The following DNAH11 variants were observed in gnomAD, a reference collection of about 807,000 sequenced individuals.
The protein encoded by DNAH11 is axonemal beta dynein heavy chain 11.
A neutral mutation model predicts 526.0 loss-of-function variants in DNAH11; 442 were observed. The observed-to-expected ratio is 0.84, with a 90% CI of 0.78 to 0.91. DNAH11 has a LOEUF of 0.91. DNAH11 is among the 40% of genes least tolerant of loss of function. The pLI, the probability that DNAH11 is intolerant of heterozygous loss-of-function variation, is 0.00. For synonymous variants in DNAH11, 2,461 were observed against 1,935.9 expected (o/e 1.27, Z -7.12); for missense variants, 6,989 against 5,448.7 (o/e 1.28, Z -8.90).
chr7:21,617,577 T>G, intron 22 of DNAH11, 42 bp from the exon 23 acceptor site: 1 of 1,605,908 alleles, frequency 6.2e-7, no homozygotes, highest in Non-Finnish European at 8.5e-7. Flanking sequence ...ATATACTGTG[T>G]TATATCTTGG....
chr7:21,662,026 C>T (rs1025836255), intron 30 of DNAH11, among the ~76,000 whole-genome samples: 2 of 152,028 alleles, frequency 1.3e-5, no homozygotes, highest in African/African-American at 4.8e-5. Flanking sequence ...ACCATGTTGG[C>T]CAGGCTGGTC....
chr7:21,868,107 T>TC (rs1360897522), intron 72 of DNAH11, 100 bp downstream of exon 72: 4 of 1,064,774 alleles, frequency 3.8e-6, no homozygotes, highest in Admixed American at 7.6e-5. Flanking sequence ...TTAGTTTCTT[T>TC]TTTTTTTTTT....
intron 65 of DNAH11, among the ~76,000 whole-genome samples, chr7:21,840,003 C>G (rs1288416017): frequency 2.0e-5 from 3 of 152,182 alleles, no homozygotes; most frequent in African/African-American, 7.2e-5. Context: ...AACCAGTTGT[C>G]TCATTAAAAA....
At chr7:21,665,708 A>T (rs1189654021) in intron 30 of DNAH11, among the ~76,000 whole-genome samples, 3 of 152,080 alleles carry the variant, frequency 2.0e-5, no homozygotes, top group African/African-American at 7.2e-5. Flanking sequence ...AGAAATAGAG[A>T]AAAGGGATGA....
intron 6 of DNAH11, 65 bp from the exon 7 acceptor site, chr7:21,570,004 A>G: frequency 7.9e-7 from 1 of 1,270,496 alleles, no homozygotes; most frequent in African/African-American, 1.5e-5. Flanking sequence ...TTTGAAACAG[A>G]GACGGTTACA....
intron 63 of DNAH11, among the ~76,000 whole-genome samples, chr7:21,814,575 C>G (rs1338815300): frequency 7.1e-6 from 1 of 140,302 alleles, no homozygotes; most frequent in Non-Finnish European, 1.5e-5. Context: ...TCCATGTGAT[C>G]TCCTTGTTCA....
intron 28 of DNAH11, among the ~76,000 whole-genome samples, chr7:21,649,847 G>A (rs1305830496): frequency 6.6e-6 from 1 of 152,020 alleles, no homozygotes; most frequent in South Asian, 2.1e-4. Context: ...TGTATTTTTA[G>A]TAGAGATGGG....
chr7:21,826,082 G>C (rs1264544192), intron 65 of DNAH11, among the ~76,000 whole-genome samples: 1 of 152,158 alleles, frequency 6.6e-6, no homozygotes, highest in Non-Finnish European at 1.5e-5. Context: ...TTTTTTGGGT[G>C]ATGGTTACAT....
At position 21,561,149 on chromosome 7, in the gene DNAH11, A is replaced by AT. The variant is rs1462707634; in HGVS notation, c.966dup (p.Leu323SerfsTer57). 3 of 1,595,688 alleles carry AT rather than the reference A, an allele frequency of 1.9e-6. No individual in the cohort carries two copies. In the Admixed American group the frequency reaches 5.2e-5, roughly 28 times the overall value. Reference sequence around the variant, plus strand: ...CAGCTATTTTCCTACTCTGAAGGACATTTTTCTGGCTGTGGAAAATGGTAA... The same window carrying AT: ...CAGCTATTTTCCTACTCTGAAGGACATTTTTTCTGGCTGTGGAAAATGGTAA... On this transcript the variant is annotated frameshift_variant, in exon 5 of 82. Transcript: ENST00000409508. LOFTEE classifies it high-confidence loss of function.
rs374509704 is a variant in DNAH11 at position 21,588,644 on chromosome 7, G to C, written c.1973+8G>C. On this transcript the variant is annotated splice_region_variant and intron_variant, in intron 11 of 81. Coordinates refer to ENST00000409508, the MANE Select transcript of DNAH11 (RefSeq NM_001277115.2). ...CGCATCTCTCCGTTATCTGTAAGTAGTTAAGCTTAGGTCATGGCAAGTTAT... is the reference window on the plus strand; with the variant it reads ...CGCATCTCTCCGTTATCTGTAAGTACTTAAGCTTAGGTCATGGCAAGTTAT... The C allele has an allele frequency of 4.9e-5, 79 of 1,612,414 alleles. No individual in the cohort carries two copies. The African/African-American group carries it at 9.9e-4, about 20-fold the overall frequency.
chr7:21,731,104 A>G (rs11977333), intron 45 of DNAH11, among the ~76,000 whole-genome samples: 1,940 of 152,170 alleles, frequency 0.013, 36 homozygotes, highest in African/African-American at 0.041. Context: ...AGAGTGCGCT[A>G]TTGGACTCCA....
chr7:21,852,900 G>A (rs905603777), intron 67 of DNAH11, among the ~76,000 whole-genome samples: 10 of 152,200 alleles, frequency 6.6e-5, no homozygotes, highest in African/African-American at 2.4e-4. Context: ...GTGAAGAAAA[G>A]CTGAGGCCTG....
rs116096761 is a variant in DNAH11 at position 21,832,823 on chromosome 7, A to G, written c.10692-9721A>G. Reference sequence around the variant, plus strand: ...GAAACAAGAAGAATATATGGCAGAGATGTATGTGACGCACAAAGCCTAAAA... The same window carrying G: ...GAAACAAGAAGAATATATGGCAGAGGTGTATGTGACGCACAAAGCCTAAAA... On this transcript the variant is annotated intron_variant, in intron 65 of 81. Transcript: ENST00000409508. Among the ~76,000 whole-genome samples the G allele has an allele frequency of 1.9e-3, 288 of 152,302 alleles. 1 individual carries two copies. The highest frequency in any genetic ancestry group is 6.5e-3 in the African/African-American group (271 of 41,572).
At chr7:21,866,770 G>A in intron 71 of DNAH11, 107 bp downstream of exon 71, 1 of 1,199,974 alleles carries the variant, frequency 8.3e-7, no homozygotes, top group Non-Finnish European at 1.1e-6. Flanking sequence ...ATTTTGATGG[G>A]GAGTGATTCT....
At chr7:21,599,084 C>G (rs1784972572) in intron 14 of DNAH11, among the ~76,000 whole-genome samples, 1 of 151,984 alleles carries the variant, frequency 6.6e-6, no homozygotes, top group African/African-American at 2.4e-5. Context: ...GATTTATATC[C>G]CTTTTGGTGT....
chr7:21,867,746 T>C (rs1783335680), intron 71 of DNAH11, 113 bp from the exon 72 acceptor site: 2 of 917,898 alleles, frequency 2.2e-6, no homozygotes, highest in Non-Finnish European at 3.3e-6. Flanking sequence ...ACATCCCATG[T>C]AATAAACCTG....
chr7:21,776,427 A>C (rs115577051), intron 56 of DNAH11, among the ~76,000 whole-genome samples: 1 of 152,204 alleles, frequency 6.6e-6, no homozygotes, highest in African/African-American at 2.4e-5. Context: ...GCAGAAGATC[A>C]GGTTGTATGG....
rs1313402081 is a variant in DNAH11 at position 21,687,376 on chromosome 7, A to G, written c.5779-6A>G. ...TAAATTCTGAGTGCCTCACTTTATC[A>G]TTTAGTCCATAGGCAATATCTATAA... On this transcript the variant is annotated splice_polypyrimidine_tract_variant and splice_region_variant and intron_variant, in intron 33 of 81. Coordinates refer to ENST00000409508, the MANE Select transcript of DNAH11 (RefSeq NM_001277115.2). 2.7e-5 allele frequency: 44 copies of G among 1,601,314 alleles called. No homozygotes were observed. The highest frequency in any genetic ancestry group is 3.6e-5 in the Non-Finnish European group (42 of 1,172,640).
At chr7:21,762,964 T>G (rs895927116) in intron 54 of DNAH11, among the ~76,000 whole-genome samples, 2 of 152,182 alleles carry the variant, frequency 1.3e-5, no homozygotes, top group African/African-American at 4.8e-5. Context: ...ATTTGCCAGC[T>G]GTGTATTTGA....
Sources: gnomAD v4.1 joint callset for allele counts (sites outside exome capture counted in the v4.1 genomes callset) on GRCh38, gnomAD v4.1.1 for gene constraint, MANE v1.5 for transcripts, NCBI Gene and HGNC (gene_info 2026-07-23, HGNC 2026-07-21) for gene names.